The following MME variants were observed in gnomAD, a reference collection of about 807,000 sequenced individuals.
MME encodes neprilysin.
Under a neutral mutation model 113.2 loss-of-function variants are expected in MME, and 98 were observed. The ratio of observed to expected loss-of-function variants is 0.87; its 90% confidence interval spans 0.74 to 1.02. The LOEUF is 1.02. Among genes scored for constraint, MME ranks in the 50% least tolerant of loss-of-function variants. MME has a pLI of 0.00. For synonymous variants in MME, 292 were observed against 300.6 expected (o/e 0.97, Z 0.30); for missense variants, 836 against 896.0 (o/e 0.93, Z 0.86).
intron 3 of MME, among the ~76,000 whole-genome samples, chr3:155,097,546 A>C (rs1286046589): frequency 2.0e-5 from 3 of 152,122 alleles, no homozygotes; most frequent in Non-Finnish European, 4.4e-5. Flanking sequence ...CAGGTGGAAA[A>C]TTGATGGATT....
At chr3:155,078,193 A>T (rs775255303), upstream of MME, among the ~76,000 whole-genome samples, 9 of 152,096 alleles carry the variant, frequency 5.9e-5, no homozygotes, top group Non-Finnish European at 1.2e-4. Flanking sequence ...ACTGCACTCC[A>T]GCCTGGGCGA....
chr3:155,061,503 G>A (rs1440921128), intron 1 of MME, among the ~76,000 whole-genome samples: 1 of 151,236 alleles, frequency 6.6e-6, no homozygotes, highest in African/African-American at 2.4e-5. Context: ...GCTTTATTCT[G>A]GGACAGGAAG....
At chr3:155,037,957 G>A (rs1379780876) in intron 1 of MME, among the ~76,000 whole-genome samples, 1 of 152,152 alleles carries the variant, frequency 6.6e-6, no homozygotes, top group Non-Finnish European at 1.5e-5. Context: ...GGTGAGAGCT[G>A]TGGGTAGGAA....
intron 3 of MME, among the ~76,000 whole-genome samples, chr3:155,113,196 CAG>C (rs1343392804): frequency 2.6e-5 from 4 of 152,118 alleles, no homozygotes; most frequent in Non-Finnish European, 4.4e-5. Flanking sequence ...CTGGTTGGAA[CAG>C]AGTTTGCATA....
At chr3:155,125,444 C>CTTTTTTTTT (rs1165027340) in intron 8 of MME, among the ~76,000 whole-genome samples, 5 of 65,286 alleles carry the variant, frequency 7.7e-5, no homozygotes, top group Non-Finnish European at 8.1e-5. Context: ...GCTCCTCCTC[C>CTTTTTTTTT]TTTTTTTTTT....
intron 13 of MME, 25 bp downstream of exon 13, chr3:155,143,596 G>A (rs751639892): frequency 6.2e-7 from 1 of 1,608,112 alleles, no homozygotes; most frequent in East Asian, 2.2e-5. Flanking sequence ...ATAATACACT[G>A]TCAGTTATAC....
intron 1 of MME, among the ~76,000 whole-genome samples, chr3:155,055,816 G>T (rs1318627739): frequency 1.3e-5 from 2 of 152,110 alleles, no homozygotes; most frequent in Non-Finnish European, 2.9e-5. Context: ...AATATTAATT[G>T]AGATGTATAC....
intron 1 of MME, among the ~76,000 whole-genome samples, chr3:155,059,822 C>A (rs1300926990): frequency 6.6e-6 from 1 of 152,034 alleles, no homozygotes; most frequent in African/African-American, 2.4e-5. Flanking sequence ...ATAGTCTAAT[C>A]AATCAGAAAA....
chr3:155,131,503 T>C (rs1356514688), intron 8 of MME, among the ~76,000 whole-genome samples: 1 of 152,216 alleles, frequency 6.6e-6, no homozygotes, highest in Non-Finnish European at 1.5e-5. Flanking sequence ...AAGGGGGCTT[T>C]TAAACATGAG....
chr3:155,105,698 A>G (rs986129730), intron 3 of MME, among the ~76,000 whole-genome samples: 1 of 152,198 alleles, frequency 6.6e-6, no homozygotes, highest in Non-Finnish European at 1.5e-5. Context: ...ACTTACCGTC[A>G]ATTTCTATAT....
intron 19 of MME, 50 bp downstream of exon 19, chr3:155,168,675 G>A (rs200568716): frequency 2.5e-5 from 40 of 1,612,800 alleles, no homozygotes; most frequent in Middle Eastern, 3.3e-4. Context: ...TCAATCTTAA[G>A]TGTATTATTG....
chr3:155,168,611 G>GC lies in MME; in HGVS notation c.1901dup (p.Gly635ArgfsTer6). ...GTATGGAAACTTTTCCTGGGACCTG[G>GC]CAGGTGGACAGCACGTATGTCATTA... is the stretch of plus-strand genomic sequence containing the variant. On this transcript the variant is annotated frameshift_variant, in exon 19 of 23. Coordinates refer to ENST00000360490, the MANE Select transcript of MME (RefSeq NM_007289.4). LOFTEE classifies it high-confidence loss of function. 1 of 1,613,818 alleles carries GC rather than the reference G, an allele frequency of 6.2e-7. No individual in the cohort carries two copies. The highest frequency in any genetic ancestry group is 8.5e-7 in the Non-Finnish European group (1 of 1,179,836).
At chr3:155,083,983 C>T in intron 1 of MME, 175 bp from the exon 2 acceptor site, 1 of 602,102 alleles carries the variant, frequency 1.7e-6, no homozygotes, top group Non-Finnish European at 2.9e-6. Context: ...CTGTCAAATT[C>T]ATTTGGCTCT....
intron 3 of MME, among the ~76,000 whole-genome samples, chr3:155,100,020 G>A (rs973166614): frequency 2.0e-5 from 3 of 152,188 alleles, no homozygotes; most frequent in African/African-American, 4.8e-5. Context: ...AACACCAAAA[G>A]CAATGGCCAC....
chr3:155,025,692 T>C (rs1712757255), intron 1 of MME, among the ~76,000 whole-genome samples: 1 of 132,268 alleles, frequency 7.6e-6, no homozygotes, highest in South Asian at 2.7e-4. Flanking sequence ...TTTCTTTCTT[T>C]TTTTTTTTTT....
chr3:155,044,361 G>C (rs1278342806), intron 1 of MME, among the ~76,000 whole-genome samples: 1 of 151,806 alleles, frequency 6.6e-6, no homozygotes, highest in African/African-American at 2.4e-5. Context: ...TTGAACTCCT[G>C]ATCTCAGACG....
At chr3:155,034,394 A>G (rs1396547265) in intron 1 of MME, among the ~76,000 whole-genome samples, 20 of 152,214 alleles carry the variant, frequency 1.3e-4, no homozygotes. Flanking sequence ...CTTTATACCT[A>G]AAAACCTCAT....
intron 1 of MME, among the ~76,000 whole-genome samples, chr3:155,059,315 T>C (rs1190835788): frequency 1.3e-5 from 2 of 151,048 alleles, no homozygotes; most frequent in East Asian, 3.9e-4. Context: ...TTTATAAGGT[T>C]AGCATATTGA....
intron 2 of MME, among the ~76,000 whole-genome samples, chr3:155,084,696 T>C (rs573779124): frequency 1.3e-5 from 2 of 152,308 alleles, no homozygotes; most frequent in Admixed American, 1.3e-4. Context: ...ATTTAACAAA[T>C]TTAATTTGAG....
Sources: allele counts gnomAD v4.1 joint callset (sites outside exome capture counted in the v4.1 genomes callset), GRCh38; gene constraint gnomAD v4.1.1; transcripts MANE v1.5; gene names NCBI Gene and HGNC (gene_info 2026-07-23, HGNC 2026-07-21).